The following GRAMD2B variants were observed in gnomAD, a reference collection of about 807,000 sequenced individuals.
The protein encoded by GRAMD2B is GRAM domain containing 2B.
GRAMD2B carries 41 observed loss-of-function variants against 59.2 expected under a neutral mutation model. The observed-to-expected ratio is 0.69, with a 90% CI of 0.54 to 0.90. The LOEUF is 0.90. GRAMD2B is among the 40% of genes least tolerant of loss of function. The pLI is 0.00. For synonymous variants in GRAMD2B, 161 were observed against 182.7 expected, an observed-to-expected ratio of 0.88 and a Z score of 0.96; for missense variants, 424 against 500.5, an observed-to-expected ratio of 0.85 and a Z score of 1.46.
intron 1 of GRAMD2B, among the ~76,000 whole-genome samples, chr5:126,397,890 T>A (rs1219880273): frequency 6.6e-6 from 1 of 152,094 alleles, no homozygotes; most frequent in African/African-American, 2.4e-5. Flanking sequence ...ATAGAAAAAA[T>A]TTGGAAGTGT....
chr5:126,417,142 C>T (rs771941444), intron 1 of GRAMD2B, among the ~76,000 whole-genome samples: 6 of 152,196 alleles, frequency 3.9e-5, no homozygotes, highest in Non-Finnish European at 8.8e-5. Context: ...CTAGATGGCC[C>T]CTAGTGAGTT....
chr5:126,401,749 A>T lies in GRAMD2B; in HGVS notation c.125+30182A>T, dbSNP rs572668087. Reference sequence around the variant, plus strand: ...ATCTGCTTTACCTAGCACTTAGAAAAGTTTACTACCATATAGAAAAATGAT... The same window carrying T: ...ATCTGCTTTACCTAGCACTTAGAAATGTTTACTACCATATAGAAAAATGAT... On this transcript the variant is annotated intron_variant, in intron 1 of 8. Transcript: ENST00000506445. 2.6e-5 allele frequency among the ~76,000 whole-genome samples: 4 copies of T among 152,210 alleles called. No homozygotes were observed. The South Asian group carries it at 8.3e-4, about 32-fold the overall frequency.
At chr5:126,428,591 A>T (rs1320057355) in intron 1 of GRAMD2B, among the ~76,000 whole-genome samples, 1 of 152,208 alleles carries the variant, frequency 6.6e-6, no homozygotes. Flanking sequence ...TAGTATTTGA[A>T]TTCTGGCTTT....
At chr5:126,376,921 A>C (rs994383730) in intron 1 of GRAMD2B, among the ~76,000 whole-genome samples, 1 of 151,934 alleles carries the variant, frequency 6.6e-6, no homozygotes, top group Non-Finnish European at 1.5e-5. Context: ...TTGCACCAGG[A>C]TATAGTGAGA....
intron 1 of GRAMD2B, among the ~76,000 whole-genome samples, chr5:126,405,159 A>C (rs1311505566): frequency 6.6e-6 from 1 of 151,904 alleles, no homozygotes. Flanking sequence ...TAGGAAGAGG[A>C]GTAGAGGAAG....
chr5:126,489,587 C>G (rs1265821433), intron 13 of GRAMD2B, among the ~76,000 whole-genome samples: 3 of 152,170 alleles, frequency 2.0e-5, no homozygotes, highest in African/African-American at 7.2e-5. Context: ...ACAGATGTAC[C>G]TTTACCTCAA....
chr5:126,387,200 T>C (rs552989332), intron 1 of GRAMD2B, among the ~76,000 whole-genome samples: 1 of 150,316 alleles, frequency 6.7e-6, no homozygotes, highest in South Asian at 2.1e-4. Context: ...TAAATAATAA[T>C]AAAGAAAATA....
intron 8 of GRAMD2B, among the ~76,000 whole-genome samples, chr5:126,483,245 G>A (rs1319923244): frequency 2.0e-5 from 3 of 152,152 alleles, no homozygotes; most frequent in Non-Finnish European, 4.4e-5. Context: ...CGAACGAGTT[G>A]GCCAGTGTTT....
chr5:126,440,183 C>T (rs1230759311), intron 1 of GRAMD2B, among the ~76,000 whole-genome samples: 2 of 152,022 alleles, frequency 1.3e-5, no homozygotes, highest in Non-Finnish European at 2.9e-5. Flanking sequence ...ACCCAGAAAT[C>T]GATTTAATAA....
intron 2 of GRAMD2B, among the ~76,000 whole-genome samples, chr5:126,468,613 G>A (rs1231645689): frequency 4.6e-5 from 7 of 151,794 alleles, no homozygotes; most frequent in Non-Finnish European, 8.8e-5. Context: ...TCAGCCTCCC[G>A]AGTAGCTGGG....
upstream of GRAMD2B, among the ~76,000 whole-genome samples, chr5:126,422,763 G>A (rs1051976803): frequency 6.6e-6 from 1 of 152,188 alleles, no homozygotes; most frequent in Non-Finnish European, 1.5e-5. Context: ...CACGGTACTG[G>A]TTGAGTGCAT....
chr5:126,375,603 C>T (rs1339741308), intron 1 of GRAMD2B, among the ~76,000 whole-genome samples: 1 of 152,116 alleles, frequency 6.6e-6, no homozygotes, highest in Non-Finnish European at 1.5e-5. Flanking sequence ...ATCTCCTGAC[C>T]TCGTGATCCA....
chr5:126,374,048 C>A (rs947034879), intron 1 of GRAMD2B, among the ~76,000 whole-genome samples: 5 of 152,228 alleles, frequency 3.3e-5, no homozygotes, highest in African/African-American at 1.2e-4. Context: ...TCAAGCAATG[C>A]TGCATCTTGC....
intron 8 of GRAMD2B, among the ~76,000 whole-genome samples, chr5:126,481,414 AC>A (rs1771817582): frequency 6.6e-6 from 1 of 152,182 alleles, no homozygotes; most frequent in Non-Finnish European, 1.5e-5. Flanking sequence ...TTCCAACCAT[AC>A]CATTCAAATG....
At chr5:126,449,672 C>G (rs1764975128) in intron 1 of GRAMD2B, among the ~76,000 whole-genome samples, 1 of 152,146 alleles carries the variant, frequency 6.6e-6, no homozygotes, top group Non-Finnish European at 1.5e-5. Context: ...TCTTTCTTCT[C>G]TAGAAGTTGA....
intron 1 of GRAMD2B, among the ~76,000 whole-genome samples, chr5:126,377,409 A>G (rs1320538691): frequency 6.6e-6 from 1 of 152,164 alleles, no homozygotes; most frequent in African/African-American, 2.4e-5. Context: ...TCTACTGTCC[A>G]AGGCCCTGGG....
intron 9 of GRAMD2B, among the ~76,000 whole-genome samples, chr5:126,483,831 G>A (rs933972548): frequency 1.3e-5 from 2 of 152,096 alleles, no homozygotes; most frequent in Non-Finnish European, 2.9e-5. Flanking sequence ...TGGGGTGGTT[G>A]AGAGAAAAAA....
intron 1 of GRAMD2B, among the ~76,000 whole-genome samples, chr5:126,381,848 G>A (rs559545546): frequency 1.4e-4 from 21 of 152,118 alleles, no homozygotes; most frequent in South Asian, 1.0e-3. Context: ...TTTGTTTCAC[G>A]ATTTAGAGCT....
At chr5:126,480,570 G>C in intron 7 of GRAMD2B, 43 bp downstream of exon 7, 1 of 1,605,578 alleles carries the variant, frequency 6.2e-7, no homozygotes, top group Non-Finnish European at 8.5e-7. Flanking sequence ...TCTCTCTTCT[G>C]TATTTCTTAT....
Sources: gnomAD v4.1 joint callset for allele counts (sites outside exome capture counted in the v4.1 genomes callset) on GRCh38, gnomAD v4.1.1 for gene constraint, MANE v1.5 for transcripts, NCBI Gene and HGNC (gene_info 2026-07-23, HGNC 2026-07-21) for gene names.